Variants in SLC30A6 observed in about 807,000 individuals in gnomAD.
The protein encoded by SLC30A6 is zinc transporter 6.
Under a neutral mutation model 63.0 loss-of-function variants are expected in SLC30A6, and 55 were observed. That is an observed-to-expected ratio of 0.87 (90% CI 0.70 to 1.09). SLC30A6 has a LOEUF of 1.09. Ranked by LOEUF, SLC30A6 falls within the 50% of genes least tolerant of loss-of-function variation. The pLI is 0.00. For synonymous variants in SLC30A6, 224 were observed against 186.1 expected (o/e 1.20, Z -1.66); for missense variants, 587 against 549.2 (o/e 1.07, Z -0.69).
intron 8 of SLC30A6, among the ~76,000 whole-genome samples, chr2:32,196,192 G>A (rs1324101779): frequency 6.6e-6 from 1 of 152,132 alleles, no homozygotes. Context: ...GCAGGCGCCT[G>A]TGATCCCAGC....
chr2:32,212,583 CT>C lies in SLC30A6; in HGVS notation c.885+3050del, dbSNP rs1193348947. 4.1e-3 allele frequency among the ~76,000 whole-genome samples: 341 copies of C among 83,006 alleles called. 1 individual carries two copies. Among genetic ancestry groups the C allele is most frequent in the African/African-American group, 0.012 (239 of 19,714 alleles). 54.5% of individuals were successfully genotyped at this position (83,006 alleles called of 152,430 possible). A position where few individuals can be genotyped will look rare whatever the true frequency, so the allele number is the denominator to read the frequency against. On this transcript the variant is annotated intron_variant, in intron 13 of 13. Coordinates refer to ENST00000282587, the MANE Select transcript of SLC30A6 (RefSeq NM_017964.5). ...CTTTCTTCCTCTCTGCCATTTTTACCTTTTTTTTTTTTTTTTTTTTTTTTTT... is the reference window on the plus strand; with the variant it reads ...CTTTCTTCCTCTCTGCCATTTTTACCTTTTTTTTTTTTTTTTTTTTTTTTT...
At position 32,206,905 on chromosome 2, in the gene SLC30A6, T is replaced by G; in HGVS notation, c.788T>G (p.Ile263Ser). ...VLLQTTPPHV[I>S]GQLDKLIREV... Reference sequence around the variant, plus strand: ...CCCCAGACAACACCACCCCATGTTATTGGTCAGTTGGACAAACTCATCAGA... The same window carrying G: ...CCCCAGACAACACCACCCCATGTTAGTGGTCAGTTGGACAAACTCATCAGA... Residue 263 changes from isoleucine (I) to serine (S), a missense_variant, in exon 12 of 14, where the codon ATT becomes AGT. Coordinates refer to ENST00000282587, the MANE Select transcript of SLC30A6 (RefSeq NM_017964.5). 1 of 1,611,400 alleles carries G rather than the reference T, an allele frequency of 6.2e-7. No homozygotes were observed. Among genetic ancestry groups the G allele is most frequent in the Non-Finnish European group, 8.5e-7 (1 of 1,177,600 alleles).
At chr2:32,211,792 T>G (rs1685278944) in intron 13 of SLC30A6, among the ~76,000 whole-genome samples, 1 of 151,436 alleles carries the variant, frequency 6.6e-6, no homozygotes, top group African/African-American at 2.4e-5. Flanking sequence ...TAATTTTTGT[T>G]TTTTTTTAGT....
chr2:32,186,996 C>CAAA (rs760128005), intron 5 of SLC30A6, among the ~76,000 whole-genome samples: 1 of 51,258 alleles, frequency 2.0e-5, no homozygotes, highest in African/African-American at 7.1e-5. Context: ...ACGCTGTCTC[C>CAAA]AAAAAAAAAA....
intron 4 of SLC30A6, among the ~76,000 whole-genome samples, chr2:32,182,383 A>G (rs1366966641): frequency 6.6e-6 from 1 of 152,204 alleles, no homozygotes; most frequent in East Asian, 1.9e-4. Flanking sequence ...ATGAATTGGA[A>G]GTGAGATTAG....
rs1366806301 is a variant in SLC30A6, at chr2:32,221,878, C to G, written c.*1165C>G. Reference sequence around the variant, plus strand: ...GAATTTATCTTTCCTGACACATTTTCATTCATTGGCTTTTTAATTTCTTAT... The same window carrying G: ...GAATTTATCTTTCCTGACACATTTTGATTCATTGGCTTTTTAATTTCTTAT... On this transcript the variant is annotated 3_prime_UTR_variant, in exon 14 of 14. Transcript: ENST00000282587. The G allele has an allele frequency of 6.6e-6, 1 of 152,156 alleles. No individual in the cohort carries two copies. Among genetic ancestry groups the G allele is most frequent in the East Asian group, 1.9e-4 (1 of 5,202 alleles). 9.4% of individuals were successfully genotyped at this position (152,156 alleles called of 1,614,324 possible). A position where few individuals can be genotyped will look rare whatever the true frequency, so the allele number is the denominator to read the frequency against.
At chr2:32,203,046 C>G in intron 10 of SLC30A6, 1 of 1,248,758 alleles carries the variant, frequency 8.0e-7, no homozygotes, top group Non-Finnish European at 1.2e-6. Flanking sequence ...ACAGAATGCC[C>G]AGTGTTTACA....
chr2:32,202,843 T>C (rs1684415964), intron 10 of SLC30A6: 3 of 842,176 alleles, frequency 3.6e-6, no homozygotes, highest in Non-Finnish European at 6.2e-6. Context: ...TACGAACAGA[T>C]TGATGTTTTT....
intron 2 of SLC30A6, among the ~76,000 whole-genome samples, chr2:32,173,828 T>C (rs923050356): frequency 2.6e-5 from 4 of 152,258 alleles, no homozygotes; most frequent in Non-Finnish European, 4.4e-5. Flanking sequence ...AGAATTTCTA[T>C]GTCAGAATTT....
intron 8 of SLC30A6, among the ~76,000 whole-genome samples, chr2:32,195,977 G>C (rs902993502): frequency 1.4e-4 from 21 of 151,944 alleles, no homozygotes; most frequent in African/African-American, 3.9e-4. Flanking sequence ...TTGAGTTCAG[G>C]AGTTTGAGTT....
chr2:32,174,632 C>T (rs1272141655), intron 3 of SLC30A6, among the ~76,000 whole-genome samples: 1 of 134,444 alleles, frequency 7.4e-6, no homozygotes. Context: ...TGGCCCACTG[C>T]ATCCTCCACC....
intron 13 of SLC30A6, among the ~76,000 whole-genome samples, chr2:32,219,644 C>G (rs1033997430): frequency 3.3e-5 from 5 of 152,024 alleles, no homozygotes; most frequent in South Asian, 2.1e-4. Context: ...CCATGTTGGC[C>G]AGGCTGGTCT....
intron 9 of SLC30A6, 151 bp downstream of exon 9, chr2:32,197,543 C>G: frequency 7.7e-7 from 1 of 1,292,566 alleles, no homozygotes; most frequent in South Asian, 1.4e-5. Flanking sequence ...TTAATTGATA[C>G]AAAAGAGAAC....
chr2:32,176,144 A>G (rs1184568931), intron 4 of SLC30A6, among the ~76,000 whole-genome samples: 1 of 152,160 alleles, frequency 6.6e-6, no homozygotes, highest in Non-Finnish European at 1.5e-5. Context: ...AAGAAAAAGA[A>G]AAGGAAGAAA....
intron 13 of SLC30A6, among the ~76,000 whole-genome samples, chr2:32,213,819 T>A (rs1372372976): frequency 6.8e-6 from 1 of 146,204 alleles, no homozygotes; most frequent in Non-Finnish European, 1.5e-5. Flanking sequence ...TTGTTTTTGT[T>A]TTGAGACGGA....
Position 32,189,596 on chromosome 2 carries a change from CTTTTTTTTTTTTTT to C in SLC30A6, c.285-2723_285-2710del, listed in dbSNP as rs3040842. 2.7e-4 allele frequency among the ~76,000 whole-genome samples: 14 copies of C among 51,928 alleles called. No individual in the cohort carries two copies. In the South Asian group the frequency reaches 4.9e-3, roughly 18 times the overall value. 34.1% of individuals were successfully genotyped at this position (51,928 alleles called of 152,430 possible). On this transcript the variant is annotated intron_variant, in intron 5 of 13. Transcript: ENST00000282587. The stretch of plus-strand genomic sequence containing the variant: ...ATAAGCATGAGCCACCGCACCCGGC[CTTTTTTTTTTTTTT>C]TTTTTTTTTTTTTTTTGAGGCAGAA...
In SLC30A6 at chr2:32,171,173, T is replaced by G. The variant is rs1007060296; in HGVS notation, c.4-114T>G. Reference sequence around the variant, plus strand: ...TCTAGAATAAGTGCTTGATGTATATTGAGTACTTAATAAATATTGGTTATT... The same window carrying G: ...TCTAGAATAAGTGCTTGATGTATATGGAGTACTTAATAAATATTGGTTATT... On this transcript the variant is annotated intron_variant, in intron 1 of 13. Coordinates refer to ENST00000282587, the MANE Select transcript of SLC30A6 (RefSeq NM_017964.5). 5 of 740,334 alleles carry G rather than the reference T, an allele frequency of 6.8e-6. No homozygotes were observed. In the East Asian group the frequency reaches 1.4e-4, roughly 21 times the overall value. 45.9% of individuals were successfully genotyped at this position (740,334 alleles called of 1,614,324 possible). A position where few individuals can be genotyped will look rare whatever the true frequency, so the allele number is the denominator to read the frequency against.
chr2:32,166,782 C>T (rs1301983936), intron 1 of SLC30A6, among the ~76,000 whole-genome samples: 1 of 152,214 alleles, frequency 6.6e-6, no homozygotes, highest in African/African-American at 2.4e-5. Flanking sequence ...CGGGAAAATG[C>T]CTCATTCACA....
Position 32,223,119 on chromosome 2 carries a change from A to G in SLC30A6, c.*2406A>G, listed in dbSNP as rs545204792. ...TGTTACAGGGGACATTGGGCCAGGC[A>G]TTATTATATAGAGAAGTCTTATTTG... On this transcript the variant is annotated 3_prime_UTR_variant, in exon 14 of 14. Coordinates refer to ENST00000282587, the MANE Select transcript of SLC30A6 (RefSeq NM_017964.5). 21 of 152,386 alleles carry G rather than the reference A, an allele frequency of 1.4e-4. No homozygotes were observed. The highest frequency in any genetic ancestry group is 4.6e-4 in the African/African-American group (19 of 41,590). 9.4% of individuals were successfully genotyped at this position (152,386 alleles called of 1,614,324 possible). A position where few individuals can be genotyped will look rare whatever the true frequency, so the allele number is the denominator to read the frequency against.
Sources: allele counts gnomAD v4.1 joint callset (sites outside exome capture counted in the v4.1 genomes callset), GRCh38; gene constraint gnomAD v4.1.1; transcripts MANE v1.5; gene names NCBI Gene and HGNC (gene_info 2026-07-23, HGNC 2026-07-21).